DPP10: variants seen among roughly 807,000 people sequenced by gnomAD.
DPP10 encodes inactive dipeptidyl peptidase 10.
DPP10 carries 33 observed loss-of-function variants against 120.9 expected under a neutral mutation model. The observed-to-expected ratio is 0.27, with a 90% CI of 0.21 to 0.37. DPP10 has a LOEUF of 0.37. Ranked by LOEUF, DPP10 falls within the 10% of genes least tolerant of loss-of-function variation. The probability of loss-of-function intolerance (pLI) is 1.00; values close to 1 mark genes in which losing one functional copy is unlikely to be tolerated. For synonymous variants in DPP10, 337 were observed against 326.1 expected (o/e 1.03, Z -0.36); for missense variants, 816 against 942.8 (o/e 0.87, Z 1.76).
At chr2:115,199,028 G>A (rs866989355) in intron 1 of DPP10, among the ~76,000 whole-genome samples, 3 of 151,978 alleles carry the variant, frequency 2.0e-5, no homozygotes, top group Admixed American at 2.0e-4. Flanking sequence ...ACATGGTAGA[G>A]GCTAATCATG....
At chr2:114,768,183 A>T (rs965710619) in intron 1 of DPP10, among the ~76,000 whole-genome samples, 6 of 151,926 alleles carry the variant, frequency 3.9e-5, no homozygotes, top group Non-Finnish European at 7.4e-5. Flanking sequence ...CCAGAATTAT[A>T]TACCAAGCAA....
intron 24 of DPP10, among the ~76,000 whole-genome samples, chr2:115,838,889 C>T (rs1231287838): frequency 6.6e-6 from 1 of 152,172 alleles, no homozygotes; most frequent in East Asian, 1.9e-4. Flanking sequence ...TGTAACACCA[C>T]TACTATTAAT....
At chr2:115,364,907 G>A (rs1435579101) in intron 3 of DPP10, among the ~76,000 whole-genome samples, 1 of 152,142 alleles carries the variant, frequency 6.6e-6, no homozygotes. Flanking sequence ...ATAAGTAGTA[G>A]AGGATATTTT....
At chr2:115,556,504 C>G (rs542336469) in intron 5 of DPP10, among the ~76,000 whole-genome samples, 1 of 151,668 alleles carries the variant, frequency 6.6e-6, no homozygotes, top group Non-Finnish European at 1.5e-5. Context: ...GAAAAGAGAT[C>G]CCATTACATT....
intron 1 of DPP10, among the ~76,000 whole-genome samples, chr2:114,675,022 A>G (rs1353778884): frequency 1.3e-5 from 2 of 152,308 alleles, no homozygotes; most frequent in East Asian, 1.9e-4. Context: ...TGTTCATAAA[A>G]AGAGTCTTTT....
At chr2:115,468,696 C>T (rs1558707501) in intron 3 of DPP10, 3 of 359,522 alleles carry the variant, frequency 8.3e-6, no homozygotes, top group Non-Finnish European at 5.5e-6. Flanking sequence ...GAGCAGGCTG[C>T]TACTGAAAAA....
At chr2:115,351,380 C>T (rs914981171) in intron 3 of DPP10, among the ~76,000 whole-genome samples, 4 of 151,848 alleles carry the variant, frequency 2.6e-5, no homozygotes, top group East Asian at 3.9e-4. Flanking sequence ...AGGTGGGGAG[C>T]GGAGGAGGGG....
chr2:115,739,445 A>G (rs1478362364), intron 8 of DPP10, among the ~76,000 whole-genome samples: 2 of 152,012 alleles, frequency 1.3e-5, no homozygotes, highest in African/African-American at 4.8e-5. Flanking sequence ...TCACTCTTCA[A>G]TCACCGTTCT....
intron 1 of DPP10, among the ~76,000 whole-genome samples, chr2:114,444,578 G>A (rs1036021): frequency 0.056 from 8,538 of 151,516 alleles, 406 homozygotes; most frequent in East Asian, 0.13. Context: ...CTGTGGAACA[G>A]AAAAAAAAAT....
rs1016382279 is a variant in DPP10, at chr2:114,830,639, G to A, written c.60+387801G>A. Among the ~76,000 whole-genome samples, 31 of 152,148 alleles carry A rather than the reference G, an allele frequency of 2.0e-4. 1 individual carries two copies. The highest frequency in any genetic ancestry group is 6.7e-4 in the African/African-American group (28 of 41,530). On this transcript the variant is annotated intron_variant, in intron 1 of 25. Coordinates refer to ENST00000410059, the MANE Select transcript of DPP10 (RefSeq NM_020868.6). ...TGAATGAAATTTTCAAATCGAAGCA[G>A]ATATAACAACCTCTTATTTTTTTTA...
At chr2:114,825,656 T>TC (rs1003660352) in intron 1 of DPP10, among the ~76,000 whole-genome samples, 8 of 151,946 alleles carry the variant, frequency 5.3e-5, no homozygotes, top group South Asian at 2.1e-4. Context: ...AATTTTATGT[T>TC]CCCCCCCAAC....
chr2:115,101,372 A>G (rs1559096160), intron 1 of DPP10, among the ~76,000 whole-genome samples: 1 of 152,150 alleles, frequency 6.6e-6, no homozygotes, highest in Non-Finnish European at 1.5e-5. Context: ...CTTTTGGTAT[A>G]TAGTATAATT....
At chr2:115,807,831 T>TTG (rs1686186656) in intron 19 of DPP10, among the ~76,000 whole-genome samples, 1 of 152,106 alleles carries the variant, frequency 6.6e-6, no homozygotes, top group African/African-American at 2.4e-5. Flanking sequence ...ATGTTTGGGT[T>TTG]TTTTTTAATT....
rs1693945223 is a variant in DPP10, at chr2:114,906,205, C to A, written c.61-403034C>A. On this transcript the variant is annotated intron_variant, in intron 1 of 25. Transcript: ENST00000410059. ...CCAGCCTGGCCAAAATAGTGAAAAC[C>A]CATCTCCACTAAAAATATATACAAA... Among the ~76,000 whole-genome samples, 3 of 150,588 alleles carry A rather than the reference C, an allele frequency of 2.0e-5. No homozygotes were observed. The South Asian group carries it at 6.4e-4, about 32-fold the overall frequency.
At chr2:115,685,793 G>A (rs2090956042) in intron 5 of DPP10, among the ~76,000 whole-genome samples, 1 of 151,962 alleles carries the variant, frequency 6.6e-6, no homozygotes, top group East Asian at 1.9e-4. Context: ...CCAGAATTTG[G>A]ATAACTTCTG....
At chr2:115,611,421 C>G (rs1041689029) in intron 5 of DPP10, among the ~76,000 whole-genome samples, 1 of 152,130 alleles carries the variant, frequency 6.6e-6, no homozygotes, top group Non-Finnish European at 1.5e-5. Context: ...CATTTCTGTG[C>G]AAAGTCTGAT....
intron 1 of DPP10, among the ~76,000 whole-genome samples, chr2:114,794,202 T>C (rs1262271453): frequency 6.6e-6 from 1 of 152,158 alleles, no homozygotes; most frequent in Non-Finnish European, 1.5e-5. Context: ...GTAATTACAG[T>C]TTTTGTCTAG....
At chr2:115,527,067 G>GA (rs1316407257) in intron 5 of DPP10, among the ~76,000 whole-genome samples, 4 of 152,050 alleles carry the variant, frequency 2.6e-5, no homozygotes, top group African/African-American at 9.7e-5. Flanking sequence ...AACATTATCT[G>GA]AAAAATCTAA....
At chr2:114,501,782 G>A (rs552613766) in intron 1 of DPP10, among the ~76,000 whole-genome samples, 1 of 152,068 alleles carries the variant, frequency 6.6e-6, no homozygotes, top group South Asian at 2.1e-4. Flanking sequence ...GCTGTATCTC[G>A]GGTGTCATAT....
Sources: gnomAD v4.1 joint callset for allele counts (sites outside exome capture counted in the v4.1 genomes callset) on GRCh38, gnomAD v4.1.1 for gene constraint, MANE v1.5 for transcripts, NCBI Gene and HGNC (gene_info 2026-07-23, HGNC 2026-07-21) for gene names.